Variants in ARSL observed in about 807,000 individuals in gnomAD.
ARSL encodes arylsulfatase L.
ARSL carries 4 observed loss-of-function variants against 31.1 expected under a neutral mutation model. The observed-to-expected ratio is 0.13, with a 90% confidence interval of 0.06 to 0.29. The LOEUF (loss-of-function observed/expected upper bound fraction) is 0.29, where lower values mean the gene tolerates loss of function less well. Among genes scored for constraint, ARSL ranks in the 10% least tolerant of loss-of-function variants. The pLI is 1.00. For synonymous variants in ARSL, 198 were observed against 209.9 expected (o/e 0.94, Z 0.49); for missense variants, 312 against 497.8 (o/e 0.63, Z 3.55).
chrX:2,967,666 G>A (rs2089709127), upstream of ARSL, among the ~76,000 whole-genome samples: 1 of 112,323 alleles, frequency 8.9e-6, no homozygotes, highest in African/African-American at 3.2e-5. Context: ...AGAAGCAGAC[G>A]AGGAAACACC....
In ARSL at chrX:2,938,106, C is replaced by T; in HGVS notation, c.1278G>A (p.Val426=). Residue 426 remains valine, a synonymous_variant, in exon 9 of 11, where the codon GTG becomes GTA. Transcript: ENST00000381134. ...PTVVRLAGGE[V]PQDRVIDGQD... ...GGGTTGTTCTGTACCTGTCCTGGGG[C>T]ACCTCGCCGCCCGCCAGCCGGACCA... The T allele has an allele frequency of 8.3e-7, 1 of 1,211,590 alleles. No homozygotes were observed. The highest frequency in any genetic ancestry group is 1.8e-5 in the South Asian group (1 of 56,980).
At position 2,958,123 on chromosome X, in the gene ARSL, A is replaced by G. The variant is rs1043341409; in HGVS notation, c.185+151T>C. ...TGAGGTTAGTGCTGGCATGGGAAGAAAGTAACATTAGGGAGAGTTAGAAAA... is the reference window on the plus strand; with the variant it reads ...TGAGGTTAGTGCTGGCATGGGAAGAGAGTAACATTAGGGAGAGTTAGAAAA... On this transcript the variant is annotated intron_variant, in intron 3 of 10. Transcript: ENST00000381134. 9.6e-6 allele frequency: 7 copies of G among 731,097 alleles called. No homozygotes were observed. The African/African-American group carries it at 1.5e-4, about 16-fold the overall frequency. 60.3% of individuals were successfully genotyped at this position (731,097 alleles called of 1,213,427 possible).
chrX:2,944,272 G>A (rs1040064752), intron 7 of ARSL, among the ~76,000 whole-genome samples: 3 of 109,106 alleles, frequency 2.7e-5, no homozygotes, highest in Middle Eastern at 4.7e-3. Context: ...TGGCCAACAT[G>A]GTGAAACCCC....
chrX:2,945,869 C>T, intron 7 of ARSL, 129 bp downstream of exon 7: 1 of 925,952 alleles, frequency 1.1e-6, no homozygotes, highest in Non-Finnish European at 1.5e-6. Flanking sequence ...ATATTTTGCA[C>T]TCTTAAAATC....
chrX:2,960,126 G>A (rs764307024), intron 2 of ARSL, among the ~76,000 whole-genome samples: 11 of 91,862 alleles, frequency 1.2e-4, no homozygotes, highest in Admixed American at 3.4e-4. Flanking sequence ...AAAATTAGCC[G>A]GGCGTGGTGG....
chrX:2,961,250 G>A (rs771988407), intron 1 of ARSL, among the ~76,000 whole-genome samples: 6 of 111,313 alleles, frequency 5.4e-5, no homozygotes, highest in Admixed American at 9.6e-5. Context: ...GAGAAGTGAG[G>A]GAGAGCCCAG....
In ARSL at chrX:2,935,201, GAT is replaced by G. The variant is rs1200948596; in HGVS notation, c.1412-13_1412-12del. The G allele has an allele frequency of 4.2e-6, 5 of 1,203,773 alleles. No individual in the cohort carries two copies. The highest frequency in any genetic ancestry group is 5.6e-6 in the Non-Finnish European group (5 of 889,856). On this transcript the variant is annotated splice_polypyrimidine_tract_variant and intron_variant, in intron 10 of 10. Coordinates refer to ENST00000381134, the MANE Select transcript of ARSL (RefSeq NM_000047.3). ...TCCACATTGTTCCTCCTGGTGGAAA[GAT>G]AATCATTACAGAGTTGGCATAGAGA... is the stretch of plus-strand genomic sequence containing the variant.
At chrX:2,952,465 C>T (rs1244370467) in intron 5 of ARSL, among the ~76,000 whole-genome samples, 2 of 110,765 alleles carry the variant, frequency 1.8e-5, no homozygotes, top group East Asian at 5.7e-4. Context: ...CCGCGCCTGA[C>T]CAGAGTCACT....
Position 2,960,389 on chromosome X carries a change from C to A in ARSL, c.12G>T (p.Leu4=). ...TAATTGTATCTTACCAAGAATGGTG[C>A]AGATGTAACATGTTGTCTCTCTCTC... MLH[L]HHSCLCFRSW... is the part of the protein sequence containing the mutation. The change falls in exon 2 of 11, where the codon CTG becomes CTT. Residue 4 remains leucine (L), a synonymous_variant. Transcript: ENST00000381134. 8.4e-7 allele frequency: 1 copy of A among 1,189,885 alleles called. No homozygotes were observed. Among genetic ancestry groups the A allele is most frequent in the Non-Finnish European group, 1.1e-6 (1 of 879,150 alleles).
Position 2,955,804 on chromosome X carries a change from C to T in ARSL, c.186-267G>A, listed in dbSNP as rs190023. ...CTTTGGAAAGCCACAGCGGGAGGAT[C>T]GTTTAGGGCCAGGAGTTCAAGACCA... is the stretch of plus-strand genomic sequence containing the variant. On this transcript the variant is annotated intron_variant, in intron 3 of 10. Coordinates refer to ENST00000381134, the MANE Select transcript of ARSL (RefSeq NM_000047.3). 1.1e-3 allele frequency among the ~76,000 whole-genome samples: 123 copies of T among 111,129 alleles called. 1 individual carries two copies. The highest frequency in any genetic ancestry group is 3.9e-3 in the African/African-American group (121 of 30,785).
At chrX:2,944,227 G>C (rs1005905964) in intron 7 of ARSL, among the ~76,000 whole-genome samples, 1 of 108,790 alleles carries the variant, frequency 9.2e-6, no homozygotes, top group East Asian at 2.9e-4. Flanking sequence ...AGGCTGAGGC[G>C]GGCGGATCAC....
rs80338710 is a variant in ARSL at position 2,958,340 on chromosome X, A to C, written c.119T>G (p.Ile40Ser). The change falls in exon 3 of 11, where the codon ATC (isoleucine) becomes AGC (serine). Residue 40 changes from isoleucine (I) to serine (S), a missense_variant. Physicochemically the swap from Ile to Ser is moderately radical, Grantham distance 142. Coordinates refer to ENST00000381134, the MANE Select transcript of ARSL (RefSeq NM_000047.3). ...SSDISASRPN[I>S]LLLMADDLGI... ...AAGGTCGTCCGCCATCAGAAGAAGG[A>C]TGTTCGGTCGGGAGGCGGAAATGTC... 1 of 1,210,330 alleles carries C rather than the reference A, an allele frequency of 8.3e-7. No individual in the cohort carries two copies. The highest frequency in any genetic ancestry group is 1.7e-5 in the African/African-American group (1 of 57,302).
At chrX:2,959,953 AAGAAAG>A (rs1293565049) in intron 2 of ARSL, 2 of 243,308 alleles carry the variant, frequency 8.2e-6, no homozygotes, top group Non-Finnish European at 1.4e-5. Context: ...GAAAGAAAGA[AAGAAAG>A]AAAGAAAGAG....
At chrX:2,955,913 G>A (rs747603611) in intron 3 of ARSL, among the ~76,000 whole-genome samples, 50 of 112,479 alleles carry the variant, frequency 4.4e-4, no homozygotes, top group African/African-American at 1.5e-3. Context: ...GTGCATGTCT[G>A]TAGAACCAGC....
upstream of ARSL, chrX:2,964,575 C>T (rs746028242): frequency 2.6e-4 from 128 of 485,176 alleles, no homozygotes; most frequent in Non-Finnish European, 3.1e-4. Context: ...CCTTGGCCTC[C>T]CGAAGTGCTG....
chrX:2,936,842 A>G lies in ARSL; in HGVS notation c.1311T>C (p.Leu437=). The change falls in exon 10 of 11, where the codon CTT becomes CTC. Residue 437 remains leucine (L), a synonymous_variant. Transcript: ENST00000381134. The part of the protein sequence containing the change: ...PQDRVIDGQD[L]LPLLLGTAQH... ...GGGCTGTCCCCAGGAGCAAGGGCAG[A>G]AGGTCTTGGCCGTCAATCACTCTGC... The G allele has an allele frequency of 8.3e-7, 1 of 1,211,741 alleles. No homozygotes were observed. Among genetic ancestry groups the G allele is most frequent in the African/African-American group, 1.7e-5 (1 of 57,863 alleles).
chrX:2,957,354 G>T (rs760512358), intron 3 of ARSL, among the ~76,000 whole-genome samples: 8 of 110,642 alleles, frequency 7.2e-5, no homozygotes, highest in Non-Finnish European at 1.3e-4. Flanking sequence ...AGTCATGCCC[G>T]GCTGATAGCA....
intron 10 of ARSL, 65 bp downstream of exon 10, chrX:2,936,677 A>C: frequency 1.7e-6 from 2 of 1,191,416 alleles, no homozygotes; most frequent in Non-Finnish European, 2.3e-6. Context: ...GTTCTAGGGC[A>C]TGGTGCTTTC....
At chrX:2,950,983 C>T (rs1259676972) in intron 5 of ARSL, among the ~76,000 whole-genome samples, 1 of 111,555 alleles carries the variant, frequency 9.0e-6, no homozygotes, top group Non-Finnish European at 1.9e-5. Context: ...TCTTCCTCTA[C>T]CTCCATGTTA....
Sources: gnomAD v4.1 joint callset for allele counts (sites outside exome capture counted in the v4.1 genomes callset) on GRCh38, gnomAD v4.1.1 for gene constraint, MANE v1.5 for transcripts, NCBI Gene and HGNC (gene_info 2026-07-23, HGNC 2026-07-21) for gene names.